Variants in TULP4 observed in about 807,000 individuals in gnomAD.
TULP4 encodes the protein TUB like protein 4.
TULP4 carries 16 observed loss-of-function variants against 129.0 expected under a neutral mutation model. The observed-to-expected ratio is 0.12, with a 90% confidence interval of 0.08 to 0.19. The LOEUF is 0.19. TULP4 is among the 10% of genes least tolerant of loss of function. TULP4 has a pLI of 1.00. For synonymous variants in TULP4, 998 were observed against 854.0 expected (o/e 1.17, Z -2.94); for missense variants, 1,842 against 2,059.1 (o/e 0.89, Z 2.04).
At chr6:158,301,269 G>GT (rs1170932221) in intron 1 of TULP4, among the ~76,000 whole-genome samples, 1 of 152,202 alleles carries the variant, frequency 6.6e-6, no homozygotes, top group Non-Finnish European at 1.5e-5. Context: ...AAGCTTGTCT[G>GT]TAGGACCCAC....
chr6:158,362,177 T>C (rs1289704484), intron 1 of TULP4, among the ~76,000 whole-genome samples: 2 of 152,158 alleles, frequency 1.3e-5, no homozygotes, highest in Non-Finnish European at 2.9e-5. Flanking sequence ...ACACTCTGGG[T>C]TATTTGTACT....
At chr6:158,482,278 G>A (rs1338149324) in intron 8 of TULP4, among the ~76,000 whole-genome samples, 25 of 152,118 alleles carry the variant, frequency 1.6e-4, no homozygotes, top group Non-Finnish European at 7.3e-5. Context: ...CAGTGTGGTG[G>A]GCTTGCTCAC....
intron 1 of TULP4, among the ~76,000 whole-genome samples, chr6:158,374,210 C>T (rs1777133026): frequency 6.6e-6 from 1 of 151,796 alleles, no homozygotes; most frequent in Non-Finnish European, 1.5e-5. Context: ...TTGCTTGAGG[C>T]CAGGAGTTCA....
At chr6:158,454,807 T>A (rs1779255979) in intron 5 of TULP4, among the ~76,000 whole-genome samples, 2 of 151,970 alleles carry the variant, frequency 1.3e-5, no homozygotes, top group Admixed American at 6.6e-5. Context: ...GGTTTCATCG[T>A]ATTGGTCAGG....
At chr6:158,448,160 A>G (rs1166139141) in intron 3 of TULP4, among the ~76,000 whole-genome samples, 2 of 152,064 alleles carry the variant, frequency 1.3e-5, no homozygotes, top group East Asian at 3.9e-4. Context: ...CTCTATCCAG[A>G]TTGTTCTTTA....
At chr6:158,233,801 C>T (rs1009137840) in intron 1 of TULP4, among the ~76,000 whole-genome samples, 1 of 152,184 alleles carries the variant, frequency 6.6e-6, no homozygotes. Context: ...TTTAGTTCTT[C>T]AGTTTAAAGA....
At chr6:158,239,620 C>T (rs1427325575) in intron 1 of TULP4, among the ~76,000 whole-genome samples, 1 of 61,676 alleles carries the variant, frequency 1.6e-5, no homozygotes, top group African/African-American at 5.5e-5. Context: ...CCGGACGGGG[C>T]GGCTGGCCGG....
intron 1 of TULP4, among the ~76,000 whole-genome samples, chr6:158,261,519 G>A (rs544524085): frequency 6.6e-6 from 1 of 152,220 alleles, no homozygotes; most frequent in South Asian, 2.1e-4. Context: ...AAATGTCTTG[G>A]GCTTCAAGGG....
chr6:158,360,779 A>G (rs1258857532), intron 1 of TULP4, among the ~76,000 whole-genome samples: 1 of 152,190 alleles, frequency 6.6e-6, no homozygotes, highest in Non-Finnish European at 1.5e-5. Context: ...CCTACCCAAT[A>G]AAGAGGTCTA....
chr6:158,482,221 G>C (rs1036454144), intron 8 of TULP4, among the ~76,000 whole-genome samples: 3 of 152,042 alleles, frequency 2.0e-5, no homozygotes, highest in Non-Finnish European at 4.4e-5. Flanking sequence ...CTCTCATTAC[G>C]ACCTGGAGCT....
intron 1 of TULP4, among the ~76,000 whole-genome samples, chr6:158,409,944 C>T (rs1778056563): frequency 6.6e-6 from 1 of 152,040 alleles, no homozygotes; most frequent in Non-Finnish European, 1.5e-5. Flanking sequence ...CAAGCTCCGC[C>T]TCCCGGGTTG....
Position 158,313,708 on chromosome 6 carries a change from C to A in TULP4, c.-309C>A. On this transcript the variant is annotated 5_prime_UTR_variant, in exon 1 of 14. Coordinates refer to ENST00000367097, the MANE Select transcript of TULP4 (RefSeq NM_020245.5). ...CTTGATCACCACTTAATTAACGATGCTCTTTCTCCAAAGGATCAGCACGTT... is the reference window on the plus strand; with the variant it reads ...CTTGATCACCACTTAATTAACGATGATCTTTCTCCAAAGGATCAGCACGTT... 1 of 466,092 alleles carries A rather than the reference C, an allele frequency of 2.1e-6. No homozygotes were observed. Among genetic ancestry groups the A allele is most frequent in the Non-Finnish European group, 3.7e-6 (1 of 267,038 alleles). 28.9% of individuals were successfully genotyped at this position (466,092 alleles called of 1,614,324 possible).
At chr6:158,434,526 G>T (rs1030443729) in intron 3 of TULP4, among the ~76,000 whole-genome samples, 4 of 152,176 alleles carry the variant, frequency 2.6e-5, no homozygotes, top group Non-Finnish European at 4.4e-5. Flanking sequence ...ATCACAGCAG[G>T]GTCTGCCAGA....
chr6:158,299,650 A>C (rs1287711880), intron 1 of TULP4, among the ~76,000 whole-genome samples: 2 of 152,218 alleles, frequency 1.3e-5, no homozygotes, highest in Non-Finnish European at 2.9e-5. Flanking sequence ...CATTAAATGC[A>C]GTGCTTTCTT....
intron 1 of TULP4, 56 bp downstream of exon 1, chr6:158,314,324 C>A: frequency 6.4e-7 from 1 of 1,571,206 alleles, no homozygotes; most frequent in South Asian, 1.2e-5. Context: ...TTTTGAGCCC[C>A]TTGTGGACTT....
chr6:158,461,805 AATTTT>A (rs1173218219), intron 6 of TULP4, 76 bp downstream of exon 6: 5 of 1,474,714 alleles, frequency 3.4e-6, no homozygotes, highest in Non-Finnish European at 3.6e-6. Flanking sequence ...ATTGTTGACA[AATTTT>A]ATTTTAATCT....
intron 1 of TULP4, among the ~76,000 whole-genome samples, chr6:158,376,314 C>T (rs1777188883): frequency 6.6e-6 from 1 of 152,174 alleles, no homozygotes. Context: ...GTGGGTGTTG[C>T]TGGGCATGTG....
intron 1 of TULP4, among the ~76,000 whole-genome samples, chr6:158,404,216 T>G (rs1300560291): frequency 6.6e-6 from 1 of 152,210 alleles, no homozygotes; most frequent in East Asian, 1.9e-4. Flanking sequence ...CATTTAGATT[T>G]TTCTTCCTAG....
chr6:158,301,425 A>G (rs1212365254), intron 1 of TULP4, among the ~76,000 whole-genome samples: 1 of 152,038 alleles, frequency 6.6e-6, no homozygotes, highest in East Asian at 1.9e-4. Context: ...ATGATTGTCA[A>G]CAACACTGAT....
Sources: allele counts gnomAD v4.1 joint callset (sites outside exome capture counted in the v4.1 genomes callset), GRCh38; gene constraint gnomAD v4.1.1; transcripts MANE v1.5; gene names NCBI Gene and HGNC (gene_info 2026-07-23, HGNC 2026-07-21).